Variants in COL22A1 observed in about 807,000 individuals in gnomAD.
The protein encoded by COL22A1 is collagen alpha-1(XXII) chain.
In COL22A1, 221 loss-of-function variants were observed where a neutral mutation model predicts 248.9. The ratio of observed to expected loss-of-function variants is 0.89; its 90% confidence interval spans 0.80 to 0.99. COL22A1 has a LOEUF of 0.99. Among genes scored for constraint, COL22A1 ranks in the 50% least tolerant of loss-of-function variants. The pLI is 0.00. For missense variants in COL22A1, 2,240 were observed against 2,179.0 expected (o/e 1.03, Z -0.56); for synonymous variants, 891 against 793.4 (o/e 1.12, Z -2.07).
Position 138,877,972 on chromosome 8 carries a change from C to G in COL22A1, c.436G>C (p.Ala146Pro). The change falls in exon 3 of 65, where the codon GCC becomes CCC. Residue 146 changes from alanine to proline, a missense_variant. Ala to Pro is a conservative substitution (Grantham distance 27). Transcript: ENST00000303045. Reference sequence around the variant, plus strand: ...CTGCGGCCGTCGGTGAGCAGGATGGCCACCTGCTTGTAGGCGCGGTCCCTG... The same window carrying G: ...CTGCGGCCGTCGGTGAGCAGGATGGGCACCTGCTTGTAGGCGCGGTCCCTG... ...RPRDRAYKQV[A>P]ILLTDGRSQD... 1 of 1,591,856 alleles carries G rather than the reference C, an allele frequency of 6.3e-7. No individual in the cohort carries two copies. Among genetic ancestry groups the G allele is most frequent in the Non-Finnish European group, 8.6e-7 (1 of 1,169,196 alleles).
Position 138,829,158 on chromosome 8 carries a change from T to C in COL22A1, c.846-2377A>G, listed in dbSNP as rs139353733. On this transcript the variant is annotated intron_variant, in intron 5 of 64. Coordinates refer to ENST00000303045, the MANE Select transcript of COL22A1 (RefSeq NM_152888.3). ...TCCAGGCTGGGAGATGACAGCCCAG[T>C]TGTTCAAAGTCATTCTCTGAGTTGG... Among the ~76,000 whole-genome samples the C allele has an allele frequency of 2.4e-4, 36 of 152,246 alleles. No individual in the cohort carries two copies. The East Asian group carries it at 2.9e-3, about 12-fold the overall frequency.
At chr8:138,870,219 T>C (rs1823218691) in intron 3 of COL22A1, among the ~76,000 whole-genome samples, 1 of 151,680 alleles carries the variant, frequency 6.6e-6, no homozygotes, top group South Asian at 2.1e-4. Context: ...ACATTGTATG[T>C]ATGTAGGTGG....
intron 15 of COL22A1, 127 bp from the exon 16 acceptor site, chr8:138,776,137 G>A (rs1251117378): frequency 2.3e-6 from 2 of 867,828 alleles, no homozygotes; most frequent in Non-Finnish European, 3.9e-6. Context: ...GTGATAGTGA[G>A]GACCCTGTCT....
chr8:138,832,941 C>T (rs1820159932), intron 5 of COL22A1, 98 bp downstream of exon 5: 1 of 765,822 alleles, frequency 1.3e-6, no homozygotes, highest in Admixed American at 2.1e-5. Context: ...AAGGTTAAAG[C>T]CCGGCTCGGT....
At chr8:138,830,932 A>G (rs1220802179) in intron 5 of COL22A1, among the ~76,000 whole-genome samples, 2 of 152,178 alleles carry the variant, frequency 1.3e-5, no homozygotes, top group African/African-American at 4.8e-5. Flanking sequence ...GATTCATAAT[A>G]ACATCCTCCA....
intron 46 of COL22A1, 126 bp from the exon 47 acceptor site, chr8:138,646,808 T>G: frequency 3.0e-6 from 2 of 664,942 alleles, no homozygotes. Flanking sequence ...TTCCGTCAGC[T>G]ACCCCTGCCC....
At chr8:138,887,210 C>CAGACTGT (rs1022668679) in intron 1 of COL22A1, among the ~76,000 whole-genome samples, 3 of 151,896 alleles carry the variant, frequency 2.0e-5, no homozygotes, top group African/African-American at 7.3e-5. Flanking sequence ...CTATCCTTCC[C>CAGACTGT]AGACTGTGGT....
At chr8:138,868,874 G>A (rs1823104322) in intron 3 of COL22A1, among the ~76,000 whole-genome samples, 1 of 152,106 alleles carries the variant, frequency 6.6e-6, no homozygotes, top group South Asian at 2.1e-4. Context: ...GGGATTATAG[G>A]CACCTGCCAC....
In COL22A1 at chr8:138,833,076, C is replaced by T; in HGVS notation, c.808G>A (p.Val270Ile). The T allele has an allele frequency of 6.2e-7, 1 of 1,613,874 alleles. No individual in the cohort carries two copies. Among genetic ancestry groups the T allele is most frequent in the Non-Finnish European group, 8.5e-7 (1 of 1,179,740 alleles). ...KRENGAQSSY[V>I]RMGSFPVVQS... ...ACCACAGGGAAGGATCCCATCCGTACATAGGAACTCTGAGCTCCATTCTCT... is the reference window on the plus strand; with the variant it reads ...ACCACAGGGAAGGATCCCATCCGTATATAGGAACTCTGAGCTCCATTCTCT... Residue 270 changes from valine (V) to isoleucine (I), a missense_variant, in exon 5 of 65, where the codon GTA (valine) becomes ATA (isoleucine). By Grantham distance (29) the Val-to-Ile change is conservative. Coordinates refer to ENST00000303045, the MANE Select transcript of COL22A1 (RefSeq NM_152888.3).
intron 56 of COL22A1, among the ~76,000 whole-genome samples, chr8:138,609,014 T>C (rs139374014): frequency 2.0e-5 from 3 of 152,250 alleles, no homozygotes; most frequent in Non-Finnish European, 4.4e-5. Context: ...CGTTGATCCT[T>C]TAACCAAGAG....
chr8:138,724,686 G>C lies in COL22A1; in HGVS notation c.2194-18C>G. On this transcript the variant is annotated intron_variant, in intron 24 of 64. Coordinates refer to ENST00000303045, the MANE Select transcript of COL22A1 (RefSeq NM_152888.3). ...GGCAAACCCTGAAAGGGGACCACAT[G>C]GACCCTGTTAGCCTGGCCTGTTCAG... 1 of 1,612,608 alleles carries C rather than the reference G, an allele frequency of 6.2e-7. No individual in the cohort carries two copies. The highest frequency in any genetic ancestry group is 8.5e-7 in the Non-Finnish European group (1 of 1,178,548).
At position 138,663,696 on chromosome 8, in the gene COL22A1, A is replaced by G. The variant is rs756959285; in HGVS notation, c.3186+9T>C. 6.2e-7 allele frequency: 1 copy of G among 1,602,254 alleles called. No individual in the cohort carries two copies. The highest frequency in any genetic ancestry group is 8.6e-7 in the Non-Finnish European group (1 of 1,169,174). On this transcript the variant is annotated intron_variant, in intron 42 of 64. Coordinates refer to ENST00000303045, the MANE Select transcript of COL22A1 (RefSeq NM_152888.3). ...AGAAACTCATCCCTTTATTTAAAGC[A>G]TACTGTACCGGGGATCCTTTGTCTC...
At chr8:138,832,800 T>C (rs73366869) in intron 5 of COL22A1, among the ~76,000 whole-genome samples, 3,996 of 152,294 alleles carry the variant, frequency 0.026, 174 homozygotes, top group African/African-American at 0.091. Context: ...CAAATGTGTA[T>C]GGAGAGATAG....
At chr8:138,741,998 T>G (rs1263752973) in intron 22 of COL22A1, among the ~76,000 whole-genome samples, 25 of 126,510 alleles carry the variant, frequency 2.0e-4, no homozygotes, top group African/African-American at 3.5e-4. Context: ...GATGGTGGAG[T>G]TGATGGTGAT....
rs970303133 is a variant in COL22A1, at chr8:138,845,073, T to C, written c.659-915A>G. ...GAAAGATGTTCCATAAGTCATCTGA[T>C]GGAGCTTCAGGTACAATTACATAAA... On this transcript the variant is annotated intron_variant, in intron 3 of 64. Transcript: ENST00000303045. Among the ~76,000 whole-genome samples the C allele has an allele frequency of 2.6e-5, 4 of 152,164 alleles. No individual in the cohort carries two copies. The East Asian group carries it at 7.7e-4, about 29-fold the overall frequency.
chr8:138,704,938 A>G (rs4279643), intron 30 of COL22A1, among the ~76,000 whole-genome samples: 41,773 of 152,088 alleles, frequency 0.27, 5,921 homozygotes, highest in African/African-American at 0.33. Flanking sequence ...GACCTTAAAT[A>G]ACCTGATGGA....
intron 37 of COL22A1, among the ~76,000 whole-genome samples, chr8:138,686,927 G>A (rs559812913): frequency 6.6e-5 from 10 of 152,210 alleles, no homozygotes; most frequent in African/African-American, 2.4e-4. Context: ...GTTTGTACCT[G>A]TATTACATAA....
At chr8:138,673,960 T>C (rs1349679168) in intron 41 of COL22A1, among the ~76,000 whole-genome samples, 1 of 152,144 alleles carries the variant, frequency 6.6e-6, no homozygotes, top group East Asian at 1.9e-4. Context: ...AGAACAACTC[T>C]GCAACAACGC....
intron 19 of COL22A1, 107 bp downstream of exon 19, chr8:138,755,678 A>G: frequency 7.2e-7 from 1 of 1,396,788 alleles, no homozygotes; most frequent in South Asian, 1.2e-5. Flanking sequence ...CTTCTATCCA[A>G]CCCATGTCCT....
Sources: allele counts gnomAD v4.1 joint callset (sites outside exome capture counted in the v4.1 genomes callset), GRCh38; gene constraint gnomAD v4.1.1; transcripts MANE v1.5; gene names NCBI Gene and HGNC (gene_info 2026-07-23, HGNC 2026-07-21).